Variants in DNAL1 observed in about 807,000 individuals in gnomAD.
DNAL1 encodes chromosome 14 open reading frame 168.
Under a neutral mutation model 29.4 loss-of-function variants are expected in DNAL1, and 17 were observed. The observed-to-expected ratio is 0.58, with a 90% CI of 0.40 to 0.87. The LOEUF is 0.87. DNAL1 is among the 40% of genes least tolerant of loss of function. DNAL1 has a pLI of 0.00. For synonymous variants in DNAL1, 78 were observed against 76.3 expected, an observed-to-expected ratio of 1.02 and a Z score of -0.12; for missense variants, 188 against 214.1, an observed-to-expected ratio of 0.88 and a Z score of 0.76.
intron 5 of DNAL1, among the ~76,000 whole-genome samples, chr14:73,673,807 T>C (rs1023231006): frequency 2.2e-4 from 33 of 151,742 alleles, no homozygotes; most frequent in African/African-American, 6.8e-4. Context: ...GGTGGAAGGA[T>C]TGATTGCTTG....
Position 73,681,619 on chromosome 14 carries a change from AAAAAAAAAAAAAAAAT to A in DNAL1, c.265-5638_265-5623del, listed in dbSNP as rs1168750238. Among the ~76,000 whole-genome samples the A allele has an allele frequency of 2.2e-3, 91 of 42,092 alleles. 1 individual carries two copies. Among genetic ancestry groups the A allele is most frequent in the Non-Finnish European group, 2.9e-3 (59 of 20,202 alleles). 27.6% of individuals were successfully genotyped at this position (42,092 alleles called of 152,430 possible). On this transcript the variant is annotated intron_variant, in intron 5 of 7. Transcript: ENST00000553645. ...CCCATCTCTACCAAAAAAAAAAAAA[AAAAAAAAAAAAAAAAT>A]ATATATATATATATATATATTAGTT...
chr14:73,662,734 T>C (rs542031411), intron 4 of DNAL1, among the ~76,000 whole-genome samples: 1 of 152,196 alleles, frequency 6.6e-6, no homozygotes, highest in African/African-American at 2.4e-5. Context: ...TACATGTGAT[T>C]GCATTAGGGC....
chr14:73,652,727 G>C (rs1891137529), intron 1 of DNAL1, among the ~76,000 whole-genome samples: 1 of 151,808 alleles, frequency 6.6e-6, no homozygotes, highest in Non-Finnish European at 1.5e-5. Context: ...ACCTTCTTTG[G>C]GTTTGTAATG....
At chr14:73,666,464 T>G (rs182460682) in intron 4 of DNAL1, among the ~76,000 whole-genome samples, 105 of 152,270 alleles carry the variant, frequency 6.9e-4, no homozygotes, top group African/African-American at 2.3e-3. Context: ...GCATAAAACT[T>G]GAAAGCACAG....
At chr14:73,656,712 C>G (rs1279545388) in intron 2 of DNAL1, among the ~76,000 whole-genome samples, 1 of 151,984 alleles carries the variant, frequency 6.6e-6, no homozygotes, top group East Asian at 1.9e-4. Context: ...AGGCATGAGC[C>G]ACTGTGCCTG....
intron 2 of DNAL1, among the ~76,000 whole-genome samples, chr14:73,657,584 C>A (rs1320202631): frequency 6.6e-6 from 1 of 152,142 alleles, no homozygotes; most frequent in Non-Finnish European, 1.5e-5. Flanking sequence ...GTTTCCTCTG[C>A]TGTGCAGAAG....
At chr14:73,647,853 A>C (rs1891015736) in intron 1 of DNAL1, among the ~76,000 whole-genome samples, 1 of 152,208 alleles carries the variant, frequency 6.6e-6, no homozygotes, top group South Asian at 2.1e-4. Flanking sequence ...AAACACACCC[A>C]GGAGTGGGAT....
chr14:73,654,110 TCAC>T (rs1891161453), intron 1 of DNAL1, among the ~76,000 whole-genome samples: 1 of 152,216 alleles, frequency 6.6e-6, no homozygotes, highest in Non-Finnish European at 1.5e-5. Flanking sequence ...TTCTAAAATT[TCAC>T]CACTGCCACC....
chr14:73,650,807 C>A (rs1891096796), intron 1 of DNAL1, among the ~76,000 whole-genome samples: 1 of 151,828 alleles, frequency 6.6e-6, no homozygotes, highest in Non-Finnish European at 1.5e-5. Context: ...TAGCTGAGAG[C>A]TTTTATTTTA....
intron 6 of DNAL1, among the ~76,000 whole-genome samples, chr14:73,688,342 G>C (rs1309939243): frequency 6.6e-6 from 1 of 152,152 alleles, no homozygotes; most frequent in Non-Finnish European, 1.5e-5. Context: ...AGGTGCAGTG[G>C]CTCTTGCTGG....
At chr14:73,646,435 G>T (rs1247131167) in intron 1 of DNAL1, among the ~76,000 whole-genome samples, 1 of 150,120 alleles carries the variant, frequency 6.7e-6, no homozygotes, top group Non-Finnish European at 1.5e-5. Flanking sequence ...TTGAAACAAG[G>T]TATTTGTGTA....
chr14:73,684,748 A>T (rs185090327), intron 5 of DNAL1, among the ~76,000 whole-genome samples: 22 of 152,244 alleles, frequency 1.4e-4, no homozygotes, highest in African/African-American at 3.9e-4. Flanking sequence ...AAATTTTTTT[A>T]AATTAGCCAA....
chr14:73,681,633 AATATATAT>A (rs71112793), intron 5 of DNAL1, among the ~76,000 whole-genome samples: 4 of 35,416 alleles, frequency 1.1e-4, no homozygotes, highest in Non-Finnish European at 1.6e-4. Context: ...AAAAAAAAAA[AATATATAT>A]ATATATATAT....
In DNAL1 at chr14:73,697,521, T is replaced by A. The variant is rs1410650831; in HGVS notation, c.*1579T>A. On this transcript the variant is annotated 3_prime_UTR_variant, in exon 8 of 8. Coordinates refer to ENST00000553645, the MANE Select transcript of DNAL1 (RefSeq NM_031427.4). ...ACTTTGGGAGGCCGAGGCGGGCGGA[T>A]CATCTGAGATCAGGAGTTCAAGACC... The A allele has an allele frequency of 1.3e-5, 2 of 152,056 alleles. No homozygotes were observed. Among genetic ancestry groups the A allele is most frequent in the East Asian group, 3.9e-4 (2 of 5,192 alleles). The allele number at this position is 152,056 out of a possible 1,614,324, so 9.4% of individuals were successfully genotyped here. A position where few individuals can be genotyped will look rare whatever the true frequency, so the allele number is the denominator to read the frequency against.
intron 1 of DNAL1, among the ~76,000 whole-genome samples, chr14:73,646,960 A>G (rs954844932): frequency 6.6e-6 from 1 of 152,158 alleles, no homozygotes; most frequent in African/African-American, 2.4e-5. Context: ...AAAAAAATTT[A>G]TCTTTCAGTG....
intron 7 of DNAL1, among the ~76,000 whole-genome samples, chr14:73,691,613 A>G (rs1892173237): frequency 1.3e-5 from 2 of 152,200 alleles, no homozygotes; most frequent in African/African-American, 4.8e-5. Context: ...CAAGTGTATA[A>G]GAAATATTTC....
intron 1 of DNAL1, among the ~76,000 whole-genome samples, chr14:73,650,893 C>T (rs1446526555): frequency 6.6e-6 from 1 of 152,334 alleles, no homozygotes; most frequent in Non-Finnish European, 1.5e-5. Context: ...CCTTCTGCCT[C>T]AGCCTCCTGA....
chr14:73,690,660 A>G (rs923773963), intron 7 of DNAL1, among the ~76,000 whole-genome samples: 1 of 152,130 alleles, frequency 6.6e-6, no homozygotes, highest in East Asian at 1.9e-4. Context: ...CTCAAAAAAA[A>G]AAAAAAGAGA....
In DNAL1 at chr14:73,698,435, T is replaced by G. The variant is rs1303364268; in HGVS notation, c.*2493T>G. 6.6e-6 allele frequency: 1 copy of G among 152,244 alleles called. No individual in the cohort carries two copies. Among genetic ancestry groups the G allele is most frequent in the Non-Finnish European group, 1.5e-5 (1 of 68,042 alleles). The allele number at this position is 152,244 out of a possible 1,614,324, so 9.4% of individuals were successfully genotyped here. A position where few individuals can be genotyped will look rare whatever the true frequency, so the allele number is the denominator to read the frequency against. On this transcript the variant is annotated 3_prime_UTR_variant, in exon 8 of 8. Coordinates refer to ENST00000553645, the MANE Select transcript of DNAL1 (RefSeq NM_031427.4). ...GTTTATGCCTCTTGGATCAGATATT[T>G]GACCTATGTGGAATAGATTATCTCT...
Sources: allele counts gnomAD v4.1 joint callset (sites outside exome capture counted in the v4.1 genomes callset), GRCh38; gene constraint gnomAD v4.1.1; transcripts MANE v1.5; gene names NCBI Gene and HGNC (gene_info 2026-07-23, HGNC 2026-07-21).